NELL1: variants seen among roughly 807,000 people sequenced by gnomAD.
NELL1 encodes neural EGFL like 1.
In NELL1, 76 loss-of-function variants were observed where a neutral mutation model predicts 107.4. The observed-to-expected ratio is 0.71, with a 90% CI of 0.59 to 0.86. The LOEUF is 0.86. Ranked by LOEUF, NELL1 falls within the 40% of genes least tolerant of loss-of-function variation. The pLI, the probability that NELL1 is intolerant of heterozygous loss-of-function variation, is 0.00. For missense variants in NELL1, 1,024 were observed against 1,005.5 expected (o/e 1.02, Z -0.25); for synonymous variants, 353 against 341.2 (o/e 1.03, Z -0.38).
At chr11:20,693,128 C>T (rs1356779481) in intron 2 of NELL1, among the ~76,000 whole-genome samples, 34 of 150,844 alleles carry the variant, frequency 2.3e-4, no homozygotes, top group African/African-American at 6.8e-4. Context: ...TTTTTGTTTT[C>T]CATTTGCTTG....
chr11:21,270,835 C>T (rs1363944204), intron 14 of NELL1, among the ~76,000 whole-genome samples: 1 of 152,130 alleles, frequency 6.6e-6, no homozygotes, highest in Non-Finnish European at 1.5e-5. Context: ...TATCTGCATT[C>T]ATGCCACAAT....
At chr11:20,764,963 A>C (rs940791185) in intron 2 of NELL1, among the ~76,000 whole-genome samples, 3 of 152,134 alleles carry the variant, frequency 2.0e-5, no homozygotes, top group African/African-American at 7.2e-5. Flanking sequence ...GGGGTTCAAC[A>C]CCAGACTAAG....
intron 2 of NELL1, among the ~76,000 whole-genome samples, chr11:20,691,088 T>C (rs563953108): frequency 1.3e-5 from 2 of 152,086 alleles, no homozygotes; most frequent in South Asian, 4.1e-4. Flanking sequence ...TCTGTTTGTC[T>C]GTTATTGGTG....
At chr11:20,861,319 G>A (rs1001922240) in intron 4 of NELL1, among the ~76,000 whole-genome samples, 1 of 152,118 alleles carries the variant, frequency 6.6e-6, no homozygotes, top group Non-Finnish European at 1.5e-5. Flanking sequence ...TCATTTAACG[G>A]AATATCAGCC....
At chr11:21,047,610 T>C (rs1853387583) in intron 12 of NELL1, among the ~76,000 whole-genome samples, 1 of 152,202 alleles carries the variant, frequency 6.6e-6, no homozygotes, top group Non-Finnish European at 1.5e-5. Context: ...TGTTTCCTAG[T>C]ATTTTACACC....
At chr11:21,458,849 A>C (rs567244429) in intron 15 of NELL1, among the ~76,000 whole-genome samples, 1 of 152,274 alleles carries the variant, frequency 6.6e-6, no homozygotes, top group East Asian at 1.9e-4. Context: ...AGGAATGAAG[A>C]GAATTTTTTT....
At chr11:21,031,953 G>C (rs912074528) in intron 12 of NELL1, among the ~76,000 whole-genome samples, 1 of 151,804 alleles carries the variant, frequency 6.6e-6, no homozygotes, top group Non-Finnish European at 1.5e-5. Context: ...GCTGAGGTGA[G>C]AGAATCGCTT....
At chr11:21,070,549 T>C (rs750685384) in intron 12 of NELL1, among the ~76,000 whole-genome samples, 2 of 152,146 alleles carry the variant, frequency 1.3e-5, no homozygotes, top group Non-Finnish European at 2.9e-5. Context: ...AATTGAACAA[T>C]ATTTTTCCTA....
chr11:21,481,068 A>G (rs78524931), intron 15 of NELL1, among the ~76,000 whole-genome samples: 2,315 of 152,304 alleles, frequency 0.015, 63 homozygotes, highest in African/African-American at 0.052. Context: ...GCCATTGTAC[A>G]TATTTAATGA....
At chr11:21,361,874 A>AT (rs1260343806) in intron 14 of NELL1, among the ~76,000 whole-genome samples, 1 of 151,822 alleles carries the variant, frequency 6.6e-6, no homozygotes, top group South Asian at 2.1e-4. Context: ...TATCTGAGGA[A>AT]TTTTTCACCC....
At chr11:20,714,867 C>T (rs1715271) in intron 2 of NELL1, among the ~76,000 whole-genome samples, 145,109 of 152,272 alleles carry the variant, frequency 0.95, 69,519 homozygotes, top group Middle Eastern at 1. Context: ...GTGTAGAGTA[C>T]GTTCACCTTA....
intron 11 of NELL1, among the ~76,000 whole-genome samples, chr11:20,956,754 G>T (rs757153557): frequency 2.1e-4 from 32 of 152,000 alleles, no homozygotes; most frequent in Non-Finnish European, 4.1e-4. Flanking sequence ...TTATAAATTC[G>T]ATCTCCTGAC....
chr11:21,305,282 G>A (rs1317775688), intron 14 of NELL1, among the ~76,000 whole-genome samples: 1 of 152,002 alleles, frequency 6.6e-6, no homozygotes, highest in African/African-American at 2.4e-5. Flanking sequence ...TGAGAAAAAT[G>A]TGCAGATGCA....
At chr11:21,224,921 A>G (rs139742321) in intron 13 of NELL1, among the ~76,000 whole-genome samples, 209 of 152,136 alleles carry the variant, frequency 1.4e-3, no homozygotes, top group African/African-American at 4.8e-3. Context: ...TCTCCTTAAG[A>G]TCATTATTTT....
At chr11:20,695,821 A>G (rs1165627494) in intron 2 of NELL1, among the ~76,000 whole-genome samples, 2 of 151,926 alleles carry the variant, frequency 1.3e-5, no homozygotes, top group Non-Finnish European at 2.9e-5. Context: ...TCCCTCTTCA[A>G]TTTTTCACAA....
At chr11:21,487,689 C>T (rs1202247446) in intron 15 of NELL1, among the ~76,000 whole-genome samples, 3 of 152,004 alleles carry the variant, frequency 2.0e-5, no homozygotes, top group African/African-American at 4.8e-5. Context: ...TTAATAACCT[C>T]GAATTTAAAT....
intron 12 of NELL1, among the ~76,000 whole-genome samples, chr11:21,096,012 A>G (rs1433510430): frequency 1.3e-5 from 2 of 152,164 alleles, no homozygotes; most frequent in African/African-American, 2.4e-5. Context: ...CTGTCATGAG[A>G]ACAGCAAGGG....
At position 20,928,256 on chromosome 11, in the gene NELL1, G is replaced by T. The variant is rs1479359323; in HGVS notation, c.895-121G>T. On this transcript the variant is annotated intron_variant, in intron 8 of 19. Coordinates refer to ENST00000357134, the MANE Select transcript of NELL1 (RefSeq NM_006157.5). ...CATCTGTGGTCCTGGAGTGGACTGG[G>T]AATTCGAATACTGCTTCTGTTTCCC... 3 of 891,154 alleles carry T rather than the reference G, an allele frequency of 3.4e-6. No individual in the cohort carries two copies. In the African/African-American group the frequency reaches 4.9e-5, roughly 15 times the overall value. The allele number at this position is 891,154 out of a possible 1,614,324, so 55.2% of individuals were successfully genotyped here.
At chr11:20,716,792 G>T (rs1463322653) in intron 2 of NELL1, among the ~76,000 whole-genome samples, 3 of 152,114 alleles carry the variant, frequency 2.0e-5, no homozygotes, top group Admixed American at 6.5e-5. Context: ...TCATAGTATT[G>T]TTCTGTGGAT....
Sources: gnomAD v4.1 joint callset for allele counts (sites outside exome capture counted in the v4.1 genomes callset) on GRCh38, gnomAD v4.1.1 for gene constraint, MANE v1.5 for transcripts, NCBI Gene and HGNC (gene_info 2026-07-23, HGNC 2026-07-21) for gene names.